RGS9: variants seen among roughly 807,000 people sequenced by gnomAD.
RGS9 encodes regulator of G protein signaling 9, also known as regulator of G-protein signalling 9.
Under a neutral mutation model 102.0 loss-of-function variants are expected in RGS9, and 78 were observed. The observed-to-expected ratio is 0.76, with a 90% CI of 0.64 to 0.92. The LOEUF is 0.92. Among genes scored for constraint, RGS9 ranks in the 40% least tolerant of loss-of-function variants. RGS9 has a pLI of 0.00. For missense variants in RGS9, 833 were observed against 866.1 expected (o/e 0.96, Z 0.48); for synonymous variants, 353 against 318.6 (o/e 1.11, Z -1.15).
At chr17:65,202,992 G>A (rs192777887) in intron 14 of RGS9, among the ~76,000 whole-genome samples, 5 of 152,338 alleles carry the variant, frequency 3.3e-5, no homozygotes, top group African/African-American at 4.8e-5. Context: ...CAAGCACCAC[G>A]CTGGGCTGGA....
At chr17:65,224,668 T>C (rs1477401105) in intron 17 of RGS9, among the ~76,000 whole-genome samples, 1 of 152,136 alleles carries the variant, frequency 6.6e-6, no homozygotes, top group African/African-American at 2.4e-5. Flanking sequence ...ATTTGGGGAC[T>C]GGAGTTGAGG....
chr17:65,215,111 A>G (rs771140437), intron 17 of RGS9, among the ~76,000 whole-genome samples: 2 of 152,218 alleles, frequency 1.3e-5, no homozygotes, highest in Non-Finnish European at 1.5e-5. Context: ...GAGCTTCAGC[A>G]CACTGGAAAT....
rs563302863 is a variant in RGS9 at position 65,138,833 on chromosome 17, T to A, written c.57+1236T>A. ...AGATAAATTCAGTTTGTTTATTGAA[T>A]CTCTGGCATTCTTTTCCATCATGAC... On this transcript the variant is annotated intron_variant, in intron 1 of 18. Transcript: ENST00000262406. 1.4e-3 allele frequency among the ~76,000 whole-genome samples: 212 copies of A among 152,184 alleles called. 1 individual carries two copies. Among genetic ancestry groups the A allele is most frequent in the Non-Finnish European group, 2.5e-3 (168 of 67,976 alleles).
chr17:65,142,135 T>C (rs2143948415), intron 1 of RGS9, among the ~76,000 whole-genome samples: 2 of 152,282 alleles, frequency 1.3e-5, no homozygotes, highest in Admixed American at 1.3e-4. Context: ...TCCTAGCTAC[T>C]TGGGAGGCTG....
intron 7 of RGS9, among the ~76,000 whole-genome samples, chr17:65,163,476 A>G (rs573108206): frequency 6.6e-6 from 1 of 152,034 alleles, no homozygotes; most frequent in Non-Finnish European, 1.5e-5. Context: ...ACAGGCGTGA[A>G]CCACTGCGCC....
At chr17:65,183,825 G>A (rs940156324) in intron 9 of RGS9, among the ~76,000 whole-genome samples, 4 of 152,140 alleles carry the variant, frequency 2.6e-5, no homozygotes, top group East Asian at 1.9e-4. Flanking sequence ...CACTCCTGCC[G>A]GTGGCCTGAC....
chr17:65,164,553 A>T (rs1911102987), intron 7 of RGS9, among the ~76,000 whole-genome samples: 1 of 152,180 alleles, frequency 6.6e-6, no homozygotes, highest in Admixed American at 6.5e-5. Flanking sequence ...GCTGGGCTGG[A>T]TGGGGAAGAC....
At chr17:65,168,566 T>TG (rs1911288412) in intron 8 of RGS9, among the ~76,000 whole-genome samples, 1 of 144,790 alleles carries the variant, frequency 6.9e-6, no homozygotes, top group Non-Finnish European at 1.5e-5. Context: ...TTTTTTTTTT[T>TG]TGCTAGGATA....
Position 65,137,426 on chromosome 17 carries a change from C to A in RGS9, c.-115C>A. 3 of 1,058,078 alleles carry A rather than the reference C, an allele frequency of 2.8e-6. No homozygotes were observed. The highest frequency in any genetic ancestry group is 4.3e-6 in the Non-Finnish European group (3 of 692,654). 65.5% of individuals were successfully genotyped at this position (1,058,078 alleles called of 1,614,324 possible). A position where few individuals can be genotyped will look rare whatever the true frequency, so the allele number is the denominator to read the frequency against. On this transcript the variant is annotated 5_prime_UTR_variant, in exon 1 of 19. Coordinates refer to ENST00000262406, the MANE Select transcript of RGS9 (RefSeq NM_003835.4). ...CCCGGCCCGCGCCCTCCCCGCCCAG[C>A]CGCCTCCCCGTCGACGCCCAGGGCT...
At chr17:65,151,633 C>T (rs573403153) in intron 1 of RGS9, among the ~76,000 whole-genome samples, 3 of 152,294 alleles carry the variant, frequency 2.0e-5, no homozygotes, top group East Asian at 3.9e-4. Context: ...CTCAGAAGCC[C>T]CTTACAGTCG....
rs1299669259 is a variant in RGS9 at position 65,163,114 on chromosome 17, T to C, written c.500+25T>C. 5 of 1,258,166 alleles carry C rather than the reference T, an allele frequency of 4.0e-6. No homozygotes were observed. The African/African-American group carries it at 4.5e-5, about 11-fold the overall frequency. 77.9% of individuals were successfully genotyped at this position (1,258,166 alleles called of 1,614,324 possible). On this transcript the variant is annotated intron_variant, in intron 7 of 18. Coordinates refer to ENST00000262406, the MANE Select transcript of RGS9 (RefSeq NM_003835.4). ...GGTGAGTGAAAGGAGACCATGCTTG[T>C]CCTCTCGGTGTCTTTCCTCCCTCTC...
chr17:65,204,432 T>A (rs1912970935), intron 15 of RGS9, 131 bp downstream of exon 15: 2 of 1,073,394 alleles, frequency 1.9e-6, no homozygotes, highest in Non-Finnish European at 2.8e-6. Context: ...GGCATGCAGC[T>A]AAGCATGGGG....
At position 65,177,055 on chromosome 17, in the gene RGS9, G is replaced by GTCCATCCATCCA. The variant is rs35750645; in HGVS notation, c.583-649_583-638dup. 1.5e-3 allele frequency among the ~76,000 whole-genome samples: 200 copies of GTCCATCCATCCA among 132,974 alleles called. 1 individual carries two copies. The highest frequency in any genetic ancestry group is 5.2e-3 in the African/African-American group (177 of 33,736). 87.2% of individuals were successfully genotyped at this position (132,974 alleles called of 152,430 possible). On this transcript the variant is annotated intron_variant, in intron 8 of 18. Coordinates refer to ENST00000262406, the MANE Select transcript of RGS9 (RefSeq NM_003835.4). ...TGCTGGGGATGCCATTCATTTGTTTGTCCATCCATCCATCCATCCATCCAT... is the reference window on the plus strand; with the variant it reads ...TGCTGGGGATGCCATTCATTTGTTTGTCCATCCATCCATCCATCCATCCATCCATCCATCCAT...
At chr17:65,216,325 G>A (rs1913521318) in intron 17 of RGS9, among the ~76,000 whole-genome samples, 1 of 152,156 alleles carries the variant, frequency 6.6e-6, no homozygotes, top group Admixed American at 6.5e-5. Flanking sequence ...AGCAAACAGA[G>A]AGACAGATTG....
At chr17:65,195,208 T>C (rs948485947) in intron 12 of RGS9, among the ~76,000 whole-genome samples, 1 of 152,090 alleles carries the variant, frequency 6.6e-6, no homozygotes, top group Non-Finnish European at 1.5e-5. Context: ...AGGCAGGGAA[T>C]CTGGCCAGGA....
intron 9 of RGS9, among the ~76,000 whole-genome samples, chr17:65,188,545 T>C (rs1912224975): frequency 6.6e-6 from 1 of 152,218 alleles, no homozygotes; most frequent in South Asian, 2.1e-4. Context: ...TTCAGAGCTC[T>C]CCCCTGTAAC....
Position 65,183,101 on chromosome 17 carries a change from T to TATCC in RGS9, c.654+5301_654+5302insCATC, listed in dbSNP as rs1555614019. ...CTATCTATCTATCTATCTATCTATC[T>TATCC]ATCTATCTACCTACCTACCTACATA... On this transcript the variant is annotated intron_variant, in intron 9 of 18. Coordinates refer to ENST00000262406, the MANE Select transcript of RGS9 (RefSeq NM_003835.4). Among the ~76,000 whole-genome samples, 752 of 149,308 alleles carry TATCC rather than the reference T, an allele frequency of 5.0e-3. 5 individuals are homozygous for TATCC. The highest frequency in any genetic ancestry group is 0.014 in the African/African-American group (551 of 39,586).
chr17:65,174,827 A>G (rs1338932724), intron 8 of RGS9, among the ~76,000 whole-genome samples: 8 of 152,196 alleles, frequency 5.3e-5, no homozygotes, highest in African/African-American at 1.9e-4. Flanking sequence ...CAGGAAACTT[A>G]CAATCATGGC....
intron 17 of RGS9, among the ~76,000 whole-genome samples, chr17:65,218,216 T>G (rs530504221): frequency 6.6e-6 from 1 of 152,224 alleles, no homozygotes; most frequent in Admixed American, 6.5e-5. Flanking sequence ...AGGAAAACTT[T>G]GGAATTCCCA....
Sources: allele counts gnomAD v4.1 joint callset (sites outside exome capture counted in the v4.1 genomes callset), GRCh38; gene constraint gnomAD v4.1.1; transcripts MANE v1.5; gene names NCBI Gene and HGNC (gene_info 2026-07-23, HGNC 2026-07-21).